The following TUBA1C variants were observed in gnomAD, a reference collection of about 807,000 sequenced individuals.
TUBA1C encodes tubulin alpha 1c, also known as tubulin alpha-1C chain.
Under a neutral mutation model 34.9 loss-of-function variants are expected in TUBA1C, and 16 were observed. The ratio of observed to expected loss-of-function variants is 0.46; its 90% confidence interval spans 0.31 to 0.70. The LOEUF (loss-of-function observed/expected upper bound fraction) is 0.70, where lower values mean the gene tolerates loss of function less well. Ranked by LOEUF, TUBA1C falls within the 30% of genes least tolerant of loss-of-function variation. TUBA1C has a pLI of 0.05. For synonymous variants in TUBA1C, 177 were observed against 215.9 expected, an observed-to-expected ratio of 0.82 and a Z score of 1.58; for missense variants, 329 against 587.3, an observed-to-expected ratio of 0.56 and a Z score of 4.55.
At chr12:49,272,231 A>G in intron 3 of TUBA1C, 22 bp from the exon 4 acceptor site, 1 of 1,577,746 alleles carries the variant, frequency 6.3e-7, no homozygotes, top group Non-Finnish European at 8.6e-7. Context: ...CAACACTAAA[A>G]TGAAACTTTT....
intron 1 of TUBA1C, among the ~76,000 whole-genome samples, chr12:49,253,047 A>C (rs1207145035): frequency 6.7e-6 from 1 of 150,042 alleles, no homozygotes; most frequent in Non-Finnish European, 1.5e-5. Flanking sequence ...TTGCAGCACC[A>C]CTGCACTCCA....
At chr12:49,265,280 A>G in intron 1 of TUBA1C, 96 bp downstream of exon 1, 1 of 1,008,006 alleles carries the variant, frequency 9.9e-7, no homozygotes. Context: ...CGCCCAGGAC[A>G]GCTCCAGACT....
At chr12:49,253,884 A>C (rs1942755414) in intron 1 of TUBA1C, among the ~76,000 whole-genome samples, 1 of 152,188 alleles carries the variant, frequency 6.6e-6, no homozygotes, top group Non-Finnish European at 1.5e-5. Flanking sequence ...TGAAGGGTCA[A>C]GAAAAAGGGT....
At chr12:49,248,837 C>T (rs1360245095) in intron 1 of TUBA1C, among the ~76,000 whole-genome samples, 1 of 141,536 alleles carries the variant, frequency 7.1e-6, no homozygotes, top group Non-Finnish European at 1.5e-5. Flanking sequence ...CACTGCACTC[C>T]AGCCTGGGTG....
At chr12:49,271,406 G>A (rs1471338386) in intron 3 of TUBA1C, among the ~76,000 whole-genome samples, 2 of 152,190 alleles carry the variant, frequency 1.3e-5, no homozygotes, top group African/African-American at 4.8e-5. Context: ...AGGTCTCATG[G>A]AATTGTGGTT....
intron 1 of TUBA1C, among the ~76,000 whole-genome samples, chr12:49,252,707 C>A (rs536718517): frequency 6.6e-6 from 1 of 152,116 alleles, no homozygotes; most frequent in Non-Finnish European, 1.5e-5. Context: ...GTCAGGAGAT[C>A]GAGACCATCC....
intron 1 of TUBA1C, among the ~76,000 whole-genome samples, chr12:49,251,932 A>C (rs1322983230): frequency 6.6e-6 from 1 of 152,174 alleles, no homozygotes; most frequent in Non-Finnish European, 1.5e-5. Context: ...AAAACATTTG[A>C]CAAAATCCAA....
intron 1 of TUBA1C, 145 bp downstream of exon 1, chr12:49,265,329 G>C: frequency 1.8e-6 from 1 of 547,228 alleles, no homozygotes; most frequent in Non-Finnish European, 3.0e-6. Flanking sequence ...TGTGGCGGCC[G>C]GGCTGGAAGG....
upstream of TUBA1C, among the ~76,000 whole-genome samples, chr12:49,262,616 C>T (rs962947712): frequency 6.6e-6 from 1 of 151,342 alleles, no homozygotes; most frequent in African/African-American, 2.4e-5. Context: ...CCCATCTCTA[C>T]TAAAAATACA....
chr12:49,265,106 G>C lies in TUBA1C; in HGVS notation c.-76G>C. The C allele has an allele frequency of 6.5e-7, 1 of 1,550,224 alleles. No homozygotes were observed. On this transcript the variant is annotated 5_prime_UTR_variant, in exon 1 of 4. Coordinates refer to ENST00000301072, the MANE Select transcript of TUBA1C (RefSeq NM_032704.5). ...CACTACTTCTCCCCCGGACTCCTTG[G>C]TAGTCTGTTAGTGGGAGATCCTTGT...
intron 1 of TUBA1C, among the ~76,000 whole-genome samples, chr12:49,237,663 T>G (rs1329009249): frequency 6.6e-6 from 1 of 150,568 alleles, no homozygotes; most frequent in Non-Finnish European, 1.5e-5. Flanking sequence ...GAGTATCCCT[T>G]GAGCCTAGGA....
Position 49,272,396 on chromosome 12 carries a change from G to A in TUBA1C, c.519G>A (p.Pro173=), listed in dbSNP as rs528051136. ...CCAAGCTGGAGTTCTCCATTTACCC[G>A]GCGCCCCAGGTTTCCACAGCTGTAG... ...KKSKLEFSIY[P]APQVSTAVVE... Residue 173 remains proline, a synonymous_variant, in exon 4 of 4, where the codon CCG becomes CCA. Coordinates refer to ENST00000301072, the MANE Select transcript of TUBA1C (RefSeq NM_032704.5). 44 of 1,613,892 alleles carry A rather than the reference G, an allele frequency of 2.7e-5. No homozygotes were observed. Among genetic ancestry groups the A allele is most frequent in the South Asian group, 1.5e-4 (14 of 91,054 alleles).
intron 1 of TUBA1C, among the ~76,000 whole-genome samples, chr12:49,240,035 G>GACACACACACACACAC (rs5798100): frequency 8.7e-5 from 12 of 138,682 alleles, no homozygotes; most frequent in African/African-American, 2.9e-4. Flanking sequence ...TCAGAGCACA[G>GACACACACACACACAC]ACACACACAC....
rs1275419305 is a variant in TUBA1C at position 49,227,997 on chromosome 12, A to G, written c.44A>G (p.Glu15Gly). The change falls in exon 1 of 4, where the codon GAG becomes GGG. Residue 15 changes from glutamate (E) to glycine (G), a missense_variant. By Grantham distance (98) the Glu-to-Gly change is moderately conservative. Coordinates refer to the TUBA1C transcript ENST00000541364. ...GGGGTGGAGGAGCTAGGGAGGGATG[A>G]GTGCTTTGTGTGCTTGGAATTAGAT... 3 of 1,535,612 alleles carry G rather than the reference A, an allele frequency of 2.0e-6. No homozygotes were observed. In the East Asian group the frequency reaches 7.3e-5, roughly 38 times the overall value.
chr12:49,267,948 T>C (rs1942937245), intron 1 of TUBA1C, among the ~76,000 whole-genome samples: 1 of 152,270 alleles, frequency 6.6e-6, no homozygotes, highest in African/African-American at 2.4e-5. Context: ...TGTTTTCCTG[T>C]TAAGTCTGTG....
At chr12:49,234,853 T>C (rs936855656) in intron 1 of TUBA1C, among the ~76,000 whole-genome samples, 1 of 152,222 alleles carries the variant, frequency 6.6e-6, no homozygotes, top group Non-Finnish European at 1.5e-5. Context: ...GTATTGCTTT[T>C]GTTGCCCAGG....
chr12:49,266,261 T>TA (rs35928737), intron 1 of TUBA1C, among the ~76,000 whole-genome samples: 15,691 of 79,430 alleles, frequency 0.2, 994 homozygotes, highest in Middle Eastern at 0.39. Context: ...CCGTCTCTAC[T>TA]AAAAAAAAAA....
intron 3 of TUBA1C, among the ~76,000 whole-genome samples, chr12:49,271,669 CTGT>C (rs1942993267): frequency 6.6e-6 from 1 of 152,218 alleles, no homozygotes; most frequent in African/African-American, 2.4e-5. Context: ...TTTGGCTATT[CTGT>C]TGTTCCACCT....
intron 1 of TUBA1C, chr12:49,232,841 A>T (rs538647310): frequency 6.6e-6 from 1 of 152,264 alleles, no homozygotes; most frequent in Admixed American, 6.5e-5. Flanking sequence ...AAAGTGGGGC[A>T]CATTTCAGAA....
Sources: gnomAD v4.1 joint callset for allele counts (sites outside exome capture counted in the v4.1 genomes callset) on GRCh38, gnomAD v4.1.1 for gene constraint, MANE v1.5 for transcripts, NCBI Gene and HGNC (gene_info 2026-07-23, HGNC 2026-07-21) for gene names.